Variants in DSG2 observed in about 807,000 individuals in gnomAD.
DSG2 encodes desmoglein 2.
A neutral mutation model predicts 75.6 loss-of-function variants in DSG2; 45 were observed. The ratio of observed to expected loss-of-function variants is 0.60; its 90% confidence interval spans 0.47 to 0.76. The LOEUF (loss-of-function observed/expected upper bound fraction) is 0.76. DSG2 is among the 30% of genes least tolerant of loss of function. The pLI is 0.00. For missense variants in DSG2, 1,267 were observed against 1,357.4 expected (o/e 0.93, Z 1.05); for synonymous variants, 429 against 483.9 (o/e 0.89, Z 1.49).
At position 31,545,877 on chromosome 18, in the gene DSG2, C is replaced by T. The variant is rs763547599; in HGVS notation, c.2491C>T (p.Leu831Phe). 2.7e-5 allele frequency: 43 copies of T among 1,613,948 alleles called. No homozygotes were observed. Among genetic ancestry groups the T allele is most frequent in the Non-Finnish European group, 3.5e-5 (41 of 1,180,022 alleles). The change falls in exon 15 of 15, where the codon CTT becomes TTT. Residue 831 changes from leucine (L) to phenylalanine (F), a missense_variant. Transcript: ENST00000261590. ...TGACCGCTTCTTAGATGATTTGGGA[C>T]TTAAATTCAAGACACTAGCTGAAGT... is the stretch of plus-strand genomic sequence containing the variant. ...LDDRFLDDLGLKFKTLAEVCL... is the reference protein window; with the variant it reads ...LDDRFLDDLGFKFKTLAEVCL...
intron 14 of DSG2, among the ~76,000 whole-genome samples, chr18:31,544,285 G>A (rs1488272929): frequency 6.6e-6 from 1 of 151,848 alleles, no homozygotes; most frequent in African/African-American, 2.4e-5. Flanking sequence ...AAGAACTGCA[G>A]TCATACAATG....
Position 31,522,196 on chromosome 18 carries a change from C to G in DSG2, c.637C>G (p.Leu213Val). ...LEPAYPPVFYLNKDTGEIYTT... is the reference protein window; with the variant it reads ...LEPAYPPVFYVNKDTGEIYTT... The stretch of plus-strand genomic sequence containing the variant: ...GCCTGCTTATCCTCCAGTGTTCTAC[C>G]TAAATAAAGATACAGGAGAGATTTA... Residue 213 changes from leucine (L) to valine (V), a missense_variant, in exon 6 of 15, where the codon CTA (leucine) becomes GTA (valine). Leu to Val is a conservative substitution (Grantham distance 32). Coordinates refer to ENST00000261590, the MANE Select transcript of DSG2 (RefSeq NM_001943.5). 1 of 1,613,838 alleles carries G rather than the reference C, an allele frequency of 6.2e-7. No individual in the cohort carries two copies. The highest frequency in any genetic ancestry group is 1.1e-5 in the South Asian group (1 of 91,072).
In DSG2 at chr18:31,506,669, AGT is replaced by A. The variant is rs551091231; in HGVS notation, c.45+8375_45+8376del. Among the ~76,000 whole-genome samples the A allele has an allele frequency of 4.1e-3, 628 of 152,356 alleles. 5 individuals carry two copies. Among genetic ancestry groups the A allele is most frequent in the African/African-American group, 0.014 (594 of 41,576 alleles). On this transcript the variant is annotated intron_variant, in intron 1 of 14. Coordinates refer to ENST00000261590, the MANE Select transcript of DSG2 (RefSeq NM_001943.5). Reference sequence around the variant, plus strand: ...GTTCAGGAATATATTGCAGCAAAAGAGTGGAGACAACCTATAATTTTTGTTTA... The same window carrying A: ...GTTCAGGAATATATTGCAGCAAAAGAGGAGACAACCTATAATTTTTGTTTA...
intron 10 of DSG2, 133 bp downstream of exon 10, chr18:31,535,545 C>G (rs1021403148): frequency 9.2e-5 from 73 of 792,212 alleles, no homozygotes; most frequent in Non-Finnish European, 1.4e-4. Flanking sequence ...CCTGTAATCC[C>G]AGCACTTTGG....
intron 1 of DSG2, among the ~76,000 whole-genome samples, chr18:31,515,798 A>G (rs1281105996): frequency 1.3e-5 from 2 of 152,240 alleles, no homozygotes; most frequent in Non-Finnish European, 2.9e-5. Flanking sequence ...TGAACTGACA[A>G]TGGAAAGGAA....
Position 31,522,152 on chromosome 18 carries a change from A to G in DSG2, c.593A>G (p.Tyr198Cys), listed in dbSNP as rs786204291. Reference sequence around the variant, plus strand: ...AATACCCTGAATTCGAAAATTTCCTATAGAATCGTATCTCTGGAGCCTGCT... The same window carrying G: ...AATACCCTGAATTCGAAAATTTCCTGTAGAATCGTATCTCTGGAGCCTGCT... The part of the protein sequence containing the change: ...EPNTLNSKIS[Y>C]RIVSLEPAYP... Residue 198 changes from tyrosine to cysteine, a missense_variant, in exon 6 of 15, where the codon TAT becomes TGT. By Grantham distance (194) the Tyr-to-Cys change is radical. Coordinates refer to ENST00000261590, the MANE Select transcript of DSG2 (RefSeq NM_001943.5). 13 of 1,613,764 alleles carry G rather than the reference A, an allele frequency of 8.1e-6. No individual in the cohort carries two copies. In the African/African-American group the frequency reaches 1.1e-4, roughly 13 times the overall value.
At chr18:31,541,751 C>A (rs2073269544) in intron 13 of DSG2, among the ~76,000 whole-genome samples, 1 of 152,198 alleles carries the variant, frequency 6.6e-6, no homozygotes, top group Non-Finnish European at 1.5e-5. Flanking sequence ...ATCCCTTTGT[C>A]TCTCTGTTGC....
At chr18:31,513,333 C>G (rs1440880633) in intron 1 of DSG2, among the ~76,000 whole-genome samples, 1 of 152,186 alleles carries the variant, frequency 6.6e-6, no homozygotes, top group African/African-American at 2.4e-5. Context: ...ACTCAACAGT[C>G]TCCAGAGGCA....
In DSG2 at chr18:31,518,333, A is replaced by G. The variant is rs562153932; in HGVS notation, c.81+59A>G. 125 of 1,437,114 alleles carry G rather than the reference A, an allele frequency of 8.7e-5. No homozygotes were observed. In the South Asian group the frequency reaches 1.4e-3, roughly 16 times the overall value. 89.0% of individuals were successfully genotyped at this position (1,437,114 alleles called of 1,614,324 possible). On this transcript the variant is annotated intron_variant, in intron 2 of 14. Coordinates refer to ENST00000261590, the MANE Select transcript of DSG2 (RefSeq NM_001943.5). ...ACTCAGGAGGGTTAATTCCATGGCA[A>G]ACAGGTTGACTGGGCTTTACTAGAT...
intron 1 of DSG2, among the ~76,000 whole-genome samples, chr18:31,511,527 A>G (rs780653836): frequency 6.6e-6 from 1 of 152,256 alleles, no homozygotes; most frequent in African/African-American, 2.4e-5. Context: ...TGCTCAGTCA[A>G]ATAAACAGAC....
rs937232467 is a variant in DSG2 at position 31,498,822 on chromosome 18, G to A, written c.45+526G>A. ...AAGTTGGCTAAAAATTTTTTAAAAA[G>A]GTGTAATTTACAAAGCTTAATTTTA... is the stretch of plus-strand genomic sequence containing the variant. On this transcript the variant is annotated intron_variant, in intron 1 of 14. Transcript: ENST00000261590. Among the ~76,000 whole-genome samples the A allele has an allele frequency of 5.3e-5, 8 of 152,218 alleles. No individual in the cohort carries two copies. The South Asian group carries it at 1.5e-3, about 28-fold the overall frequency.
chr18:31,548,794 A>G lies in DSG2; in HGVS notation c.*2051A>G, dbSNP rs1050550971. 2 of 152,188 alleles carry G rather than the reference A, an allele frequency of 1.3e-5. No homozygotes were observed. The highest frequency in any genetic ancestry group is 4.8e-5 in the African/African-American group (2 of 41,454). 9.4% of individuals were successfully genotyped at this position (152,188 alleles called of 1,614,324 possible). ...TAGTTTTACATTTGTTTTTTGGAAG[A>G]TTATATTTGTATATGTATCATCATA... On this transcript the variant is annotated 3_prime_UTR_variant, in exon 15 of 15. Transcript: ENST00000261590.
chr18:31,514,869 T>C (rs770894414), intron 1 of DSG2, among the ~76,000 whole-genome samples: 24 of 152,350 alleles, frequency 1.6e-4, no homozygotes, highest in Admixed American at 3.3e-4. Flanking sequence ...TACGTTTGAC[T>C]AGAGGACTGT....
At chr18:31,504,576 C>A (rs529449412) in intron 1 of DSG2, among the ~76,000 whole-genome samples, 1 of 152,230 alleles carries the variant, frequency 6.6e-6, no homozygotes, top group South Asian at 2.1e-4. Flanking sequence ...GAGGGGGGGA[C>A]ACAGTACATA....
intron 9 of DSG2, among the ~76,000 whole-genome samples, chr18:31,532,161 TACTC>T (rs2073202452): frequency 6.6e-6 from 1 of 152,320 alleles, no homozygotes; most frequent in South Asian, 2.1e-4. Flanking sequence ...GCAGATTTGT[TACTC>T]ACAGTTCTGA....
At chr18:31,518,323 T>A (rs754768130) in intron 2 of DSG2, 49 bp downstream of exon 2, 6 of 1,502,424 alleles carry the variant, frequency 4.0e-6, no homozygotes, top group Non-Finnish European at 2.8e-6. Flanking sequence ...GGAGGGTTAA[T>A]TCCATGGCAA....
At chr18:31,541,027 A>G (rs1248745998) in intron 12 of DSG2, among the ~76,000 whole-genome samples, 166 bp from the exon 13 acceptor site, 1 of 152,238 alleles carries the variant, frequency 6.6e-6, no homozygotes, top group Non-Finnish European at 1.5e-5. Flanking sequence ...TAATTCACCC[A>G]AAACAAGCTT....
rs572206050 is a variant in DSG2 at position 31,545,323 on chromosome 18, C to T, written c.2335-398C>T. ...TCTCTCTCACTGACACACATTCACACACATTCTCTTACATTACTATAGTAC... is the reference window on the plus strand; with the variant it reads ...TCTCTCTCACTGACACACATTCACATACATTCTCTTACATTACTATAGTAC... On this transcript the variant is annotated intron_variant, in intron 14 of 14. Transcript: ENST00000261590. Among the ~76,000 whole-genome samples the T allele has an allele frequency of 5.9e-5, 9 of 152,358 alleles. No individual in the cohort carries two copies. In the South Asian group the frequency reaches 1.7e-3, roughly 28 times the overall value.
chr18:31,542,618 C>T lies in DSG2; in HGVS notation c.2100C>T (p.Ser700=), dbSNP rs397516704. ...AGGAAGCCACGATGAAAGGAAGTAG[C>T]TCTGCTTCCATTGTCAAAGGGCAAC... The part of the protein sequence containing the change: ...MAKEATMKGS[S]SASIVKGQHE... The change falls in exon 14 of 15, where the codon AGC becomes AGT. Residue 700 remains serine, a synonymous_variant. Transcript: ENST00000261590. 6 of 1,614,018 alleles carry T rather than the reference C, an allele frequency of 3.7e-6. No individual in the cohort carries two copies. The highest frequency in any genetic ancestry group is 1.7e-5 in the Admixed American group (1 of 60,002).
Sources: gnomAD v4.1 joint callset for allele counts (sites outside exome capture counted in the v4.1 genomes callset) on GRCh38, gnomAD v4.1.1 for gene constraint, MANE v1.5 for transcripts, NCBI Gene and HGNC (gene_info 2026-07-23, HGNC 2026-07-21) for gene names.